The following ZNF184 variants were observed in gnomAD, a reference collection of about 807,000 sequenced individuals.
ZNF184 encodes zinc finger protein 184 (Kruppel-like).
A neutral mutation model predicts 54.4 loss-of-function variants in ZNF184; 16 were observed. That is an observed-to-expected ratio of 0.29 (90% confidence interval 0.20 to 0.45). ZNF184 has a LOEUF of 0.45. Ranked by LOEUF, ZNF184 falls within the 20% of genes least tolerant of loss-of-function variation. The pLI, the probability that ZNF184 is intolerant of heterozygous loss-of-function variation, is 1.00. For synonymous variants in ZNF184, 254 were observed against 295.3 expected, an observed-to-expected ratio of 0.86 and a Z score of 1.43; for missense variants, 681 against 888.2, an observed-to-expected ratio of 0.77 and a Z score of 2.97.
In ZNF184 at chr6:27,457,109, G is replaced by A. The variant is rs988205348; in HGVS notation, c.202+174C>T. Among the ~76,000 whole-genome samples, 3 of 152,048 alleles carry A rather than the reference G, an allele frequency of 2.0e-5. No homozygotes were observed. In the East Asian group the frequency reaches 5.8e-4, roughly 29 times the overall value. ...GAGTATAATTTGGGAACTGATCGGG[G>A]TTCAGGAAAATTATTATTTTGTCCC... On this transcript the variant is annotated intron_variant, in intron 4 of 5. Coordinates refer to ENST00000683788, the MANE Select transcript of ZNF184 (RefSeq NM_001318891.2).
At chr6:27,455,932 CATA>C (rs1453303997) in intron 5 of ZNF184, among the ~76,000 whole-genome samples, 1 of 152,102 alleles carries the variant, frequency 6.6e-6, no homozygotes, top group Non-Finnish European at 1.5e-5. Flanking sequence ...GAAAGTTATT[CATA>C]ATTTCAAAAA....
chr6:27,440,707 A>T, the ZNF184 span, among the ~76,000 whole-genome samples: 1 of 152,270 alleles, frequency 6.6e-6, no homozygotes, highest in African/African-American at 2.4e-5. Flanking sequence ...CTGGGTGTAT[A>T]AAAGAGAAGG....
intron 3 of ZNF184, among the ~76,000 whole-genome samples, chr6:27,465,228 T>C (rs1763101326): frequency 6.6e-6 from 1 of 150,512 alleles, no homozygotes; most frequent in African/African-American, 2.4e-5. Flanking sequence ...CTCATGCCTG[T>C]AATCCCAGCA....
the ZNF184 span, among the ~76,000 whole-genome samples, chr6:27,434,135 C>T: frequency 6.6e-6 from 1 of 152,182 alleles, no homozygotes; most frequent in African/African-American, 2.4e-5. Context: ...ATCCTCCCGC[C>T]TCAGCCTCCT....
At chr6:27,404,472 A>T in the ZNF184 span, 3 of 152,110 alleles carry the variant, frequency 2.0e-5, no homozygotes. Context: ...TCGCAGGAGC[A>T]GGGGGGAGAG....
the ZNF184 span, among the ~76,000 whole-genome samples, chr6:27,432,424 G>C: frequency 6.6e-6 from 1 of 152,084 alleles, no homozygotes; most frequent in Non-Finnish European, 1.5e-5. This position sits in a 1 kb window ranked among gnomAD's most constrained non-coding sequence, Gnocchi z 4.0. Context: ...CAGTAATAAA[G>C]ACTAAGGAAA....
At chr6:27,462,342 T>C (rs1763016890) in intron 3 of ZNF184, among the ~76,000 whole-genome samples, 1 of 151,586 alleles carries the variant, frequency 6.6e-6, no homozygotes, top group Admixed American at 6.6e-5. Context: ...GGACCGCAGG[T>C]GCCCGCCACC....
chr6:27,448,764 CTT>C (rs10603749), downstream of ZNF184, among the ~76,000 whole-genome samples: 4,956 of 150,166 alleles, frequency 0.033, 161 homozygotes, highest in African/African-American at 0.083. Flanking sequence ...AATGCATTTC[CTT>C]TTTTTTTTTC....
chr6:27,467,718 C>G (rs1480488342), intron 3 of ZNF184, 135 bp downstream of exon 3: 1 of 689,650 alleles, frequency 1.5e-6, no homozygotes, highest in African/African-American at 1.9e-5. Context: ...GCTAGGAATG[C>G]GGTTACTAGA....
chr6:27,407,896 A>G, the ZNF184 span: 4 of 917,026 alleles, frequency 4.4e-6, no homozygotes, highest in African/African-American at 1.6e-5. Flanking sequence ...CTAATGAGTG[A>G]AGATGAGCTG....
chr6:27,423,911 ATC>A, the ZNF184 span, among the ~76,000 whole-genome samples: 6 of 152,210 alleles, frequency 3.9e-5, no homozygotes, highest in Non-Finnish European at 7.3e-5. Flanking sequence ...TTTATTTGGA[ATC>A]TCTAGCAAAT....
In ZNF184 at chr6:27,472,668, G is replaced by T. The variant is rs1763307377; in HGVS notation, c.-140+61C>A. Reference sequence around the variant, plus strand: ...GCCGGGGCATCCACAGACCTGGTGTGTTCCCTCTGTGCACACTTGTGACTC... The same window carrying T: ...GCCGGGGCATCCACAGACCTGGTGTTTTCCCTCTGTGCACACTTGTGACTC... On this transcript the variant is annotated intron_variant, in intron 1 of 5. Coordinates refer to ENST00000683788, the MANE Select transcript of ZNF184 (RefSeq NM_001318891.2). This position sits in a 1 kb window ranked among gnomAD's most constrained non-coding sequence, Gnocchi z 4.8. The T allele has an allele frequency of 3.8e-6, 1 of 260,402 alleles. No homozygotes were observed. Among genetic ancestry groups the T allele is most frequent in the African/African-American group, 2.2e-5 (1 of 45,316 alleles). 16.1% of individuals were successfully genotyped at this position (260,402 alleles called of 1,614,324 possible).
At chr6:27,443,142 C>T in the ZNF184 span, among the ~76,000 whole-genome samples, 23 of 152,312 alleles carry the variant, frequency 1.5e-4, no homozygotes, top group African/African-American at 5.3e-4. Flanking sequence ...AATTTTGGCA[C>T]CTCTTCTGGA....
chr6:27,415,303 T>C, the ZNF184 span, among the ~76,000 whole-genome samples: 5 of 152,122 alleles, frequency 3.3e-5, no homozygotes, highest in Admixed American at 6.5e-5. Flanking sequence ...TCTATTTTTC[T>C]CTATCTTGGT....
chr6:27,452,840 T>TG lies in ZNF184; in HGVS notation c.718dup (p.His240ProfsTer14), dbSNP rs1259247534. 1 of 1,614,040 alleles carries TG rather than the reference T, an allele frequency of 6.2e-7. No individual in the cohort carries two copies. Among genetic ancestry groups the TG allele is most frequent in the Non-Finnish European group, 8.5e-7 (1 of 1,179,966 alleles). On this transcript the variant is annotated frameshift_variant, in exon 6 of 6. Transcript: ENST00000683788. LOFTEE classifies it high-confidence loss of function. This position sits in a 1 kb window ranked among gnomAD's most constrained non-coding sequence, Gnocchi z 5.5. ...TTTTTCTCCAGTATGTGTTCTCTGATGGCGAATAAGAGCTGAACAATAACT... is the reference window on the plus strand; with the variant it reads ...TTTTTCTCCAGTATGTGTTCTCTGATGGGCGAATAAGAGCTGAACAATAACT...
Position 27,451,295 on chromosome 6 carries a change from T to C in ZNF184, c.*8A>G, listed in dbSNP as rs762429388. The C allele has an allele frequency of 1.3e-6, 2 of 1,573,114 alleles. No homozygotes were observed. Among genetic ancestry groups the C allele is most frequent in the South Asian group, 1.2e-5 (1 of 84,210 alleles). ...ATCTCCCCTAAATTTATGATGTTCC[T>C]AGAATTGTCATATGCCAGGATGCAG... On this transcript the variant is annotated 3_prime_UTR_variant, in exon 6 of 6. Transcript: ENST00000683788.
chr6:27,438,035 C>T, the ZNF184 span, among the ~76,000 whole-genome samples: 9 of 152,282 alleles, frequency 5.9e-5, no homozygotes, highest in East Asian at 1.7e-3. Flanking sequence ...TCACCATAAA[C>T]CTTCAAACCT....
At chr6:27,439,332 T>A in the ZNF184 span, among the ~76,000 whole-genome samples, 1 of 152,288 alleles carries the variant, frequency 6.6e-6, no homozygotes, top group Admixed American at 6.5e-5. Context: ...AAATAAACAA[T>A]TTGTAAATTT....
At chr6:27,440,982 GCGACAGAGCAAGACTCTGT>G in the ZNF184 span, among the ~76,000 whole-genome samples, 1 of 152,014 alleles carries the variant, frequency 6.6e-6, no homozygotes, top group Non-Finnish European at 1.5e-5. Flanking sequence ...TCCAGCCTGG[GCGACAGAGCAAGACTCTGT>G]CTCAAAAAAA....
Sources: gnomAD v4.1 joint callset for allele counts (sites outside exome capture counted in the v4.1 genomes callset) on GRCh38, gnomAD v4.1.1 for gene constraint, Gnocchi (gnomAD v3.1) non-coding constraint, MANE v1.5 for transcripts, NCBI Gene and HGNC (gene_info 2026-07-23, HGNC 2026-07-21) for gene names.